FHIT: variants seen among roughly 807,000 people sequenced by gnomAD.
FHIT encodes fragile histidine triad diadenosine triphosphatase, also known as bis(5'-adenosyl)-triphosphatase.
A neutral mutation model predicts 17.9 loss-of-function variants in FHIT; 19 were observed. That is an observed-to-expected ratio of 1.06 (90% CI 0.74 to 1.56). FHIT has a LOEUF of 1.56. Ranked by LOEUF, FHIT falls within the 40% of genes most tolerant of loss-of-function variation. The pLI is 0.00. For synonymous variants in FHIT, 81 were observed against 69.7 expected (o/e 1.16, Z -0.81); for missense variants, 248 against 189.2 (o/e 1.31, Z -1.82).
chr3:60,556,299 A>C (rs1304565479), intron 4 of FHIT, among the ~76,000 whole-genome samples: 3 of 152,224 alleles, frequency 2.0e-5, no homozygotes, highest in Non-Finnish European at 4.4e-5. Context: ...ACCCAGATGC[A>C]GAGGAGACAG....
At chr3:61,194,995 G>A (rs932733932) in intron 2 of FHIT, among the ~76,000 whole-genome samples, 3 of 143,522 alleles carry the variant, frequency 2.1e-5, no homozygotes, top group Non-Finnish European at 4.6e-5. Context: ...AGCAAGGGGC[G>A]AGGGGGGTGG....
intron 4 of FHIT, among the ~76,000 whole-genome samples, chr3:60,554,494 G>A (rs1222999693): frequency 6.6e-6 from 1 of 152,110 alleles, no homozygotes; most frequent in Non-Finnish European, 1.5e-5. Flanking sequence ...AAGACATTGT[G>A]GACATATTGG....
chr3:60,995,278 C>T (rs1020616997), intron 3 of FHIT, among the ~76,000 whole-genome samples: 2 of 152,100 alleles, frequency 1.3e-5, no homozygotes, highest in Non-Finnish European at 2.9e-5. Context: ...CGAGATCGTG[C>T]CACTGCACTC....
intron 4 of FHIT, among the ~76,000 whole-genome samples, chr3:60,555,046 G>A (rs1371855542): frequency 6.6e-6 from 1 of 152,186 alleles, no homozygotes; most frequent in African/African-American, 2.4e-5. Flanking sequence ...TTACGTAACA[G>A]TGTACTACAG....
intron 5 of FHIT, among the ~76,000 whole-genome samples, chr3:60,388,883 G>C (rs552104384): frequency 6.6e-6 from 1 of 152,100 alleles, no homozygotes; most frequent in African/African-American, 2.4e-5. Flanking sequence ...CAGAGGGCTC[G>C]TAAAGTTAGC....
intron 5 of FHIT, among the ~76,000 whole-genome samples, chr3:60,188,485 G>A (rs1432935512): frequency 6.6e-6 from 1 of 152,046 alleles, no homozygotes; most frequent in Non-Finnish European, 1.5e-5. Context: ...GCTTTCCGCT[G>A]AATGATTCCT....
chr3:61,216,264 C>G (rs2039671419), intron 1 of FHIT, among the ~76,000 whole-genome samples: 1 of 152,140 alleles, frequency 6.6e-6, no homozygotes, highest in African/African-American at 2.4e-5. Flanking sequence ...GGCTAATATC[C>G]CGAATCTACA....
chr3:60,597,208 G>C (rs1158693065), intron 4 of FHIT, among the ~76,000 whole-genome samples: 1 of 152,066 alleles, frequency 6.6e-6, no homozygotes, highest in African/African-American at 2.4e-5. Flanking sequence ...CATTAACATG[G>C]GGGAGAAGAG....
intron 8 of FHIT, among the ~76,000 whole-genome samples, chr3:59,893,676 A>G (rs775584266): frequency 6.6e-6 from 1 of 152,260 alleles, no homozygotes; most frequent in Non-Finnish European, 1.5e-5. Flanking sequence ...ATTAAAGTTC[A>G]GGGGAGCCTG....
chr3:61,046,167 C>A (rs9820533), intron 2 of FHIT, among the ~76,000 whole-genome samples: 20,062 of 151,804 alleles, frequency 0.13, 1,377 homozygotes, highest in South Asian at 0.17. Context: ...GATAGAGACG[C>A]AAAAAACCCT....
chr3:60,253,471 T>C (rs1046249734), intron 5 of FHIT, among the ~76,000 whole-genome samples: 2 of 152,310 alleles, frequency 1.3e-5, no homozygotes, highest in Admixed American at 1.3e-4. Flanking sequence ...CCAGTAAGGA[T>C]ATAATATCAA....
chr3:59,966,745 T>C (rs937910121), intron 7 of FHIT, among the ~76,000 whole-genome samples: 16 of 152,240 alleles, frequency 1.1e-4, no homozygotes, highest in Non-Finnish European at 1.9e-4. Flanking sequence ...GGAAGTTGCT[T>C]TGGGTGAGTC....
At chr3:60,556,231 A>G (rs1193645980) in intron 4 of FHIT, among the ~76,000 whole-genome samples, 1 of 152,164 alleles carries the variant, frequency 6.6e-6, no homozygotes. Flanking sequence ...CCTCAACACA[A>G]AAGAGGCTAG....
intron 5 of FHIT, among the ~76,000 whole-genome samples, chr3:60,196,197 T>A (rs896606516): frequency 3.3e-5 from 5 of 152,144 alleles, no homozygotes; most frequent in Non-Finnish European, 7.4e-5. Flanking sequence ...GAAATGGCTG[T>A]CACTGGGGTA....
intron 8 of FHIT, among the ~76,000 whole-genome samples, chr3:59,797,262 C>A (rs1211219540): frequency 6.6e-6 from 1 of 151,778 alleles, no homozygotes; most frequent in Non-Finnish European, 1.5e-5. Flanking sequence ...TCTCTACTCA[C>A]TGTAACCTCC....
intron 3 of FHIT, among the ~76,000 whole-genome samples, chr3:60,957,504 T>G (rs1553779368): frequency 6.6e-6 from 1 of 152,160 alleles, no homozygotes; most frequent in African/African-American, 2.4e-5. Flanking sequence ...CCCAAAGTGC[T>G]GGGATTACAG....
At chr3:60,521,399 C>A (rs1047893906) in intron 5 of FHIT, among the ~76,000 whole-genome samples, 1 of 152,054 alleles carries the variant, frequency 6.6e-6, no homozygotes. Flanking sequence ...AGGCGCCCGC[C>A]ACCACACCCA....
At chr3:60,040,901 C>A (rs1227439023) in intron 5 of FHIT, among the ~76,000 whole-genome samples, 1 of 152,106 alleles carries the variant, frequency 6.6e-6, no homozygotes, top group Non-Finnish European at 1.5e-5. Context: ...GAAGGCAACT[C>A]TAGGTGGGGG....
chr3:59,872,300 G>A (rs1702959601), intron 8 of FHIT, among the ~76,000 whole-genome samples: 1 of 152,174 alleles, frequency 6.6e-6, no homozygotes, highest in Non-Finnish European at 1.5e-5. Flanking sequence ...ATTACAGGAA[G>A]AAACAACCCT....
Sources: allele counts gnomAD v4.1 joint callset (sites outside exome capture counted in the v4.1 genomes callset), GRCh38; gene constraint gnomAD v4.1.1; transcripts MANE v1.5; gene names NCBI Gene and HGNC (gene_info 2026-07-23, HGNC 2026-07-21).